DAB1: variants seen among roughly 807,000 people sequenced by gnomAD.
The protein encoded by DAB1 is DAB adaptor protein 1, also known as disabled homolog 1.
In DAB1, 15 loss-of-function variants were observed where a neutral mutation model predicts 64.6. The ratio of observed to expected loss-of-function variants is 0.23; its 90% CI spans 0.16 to 0.36. The LOEUF (loss-of-function observed/expected upper bound fraction) is 0.36, where lower values mean the gene tolerates loss of function less well. DAB1 is among the 10% of genes least tolerant of loss of function. The probability of loss-of-function intolerance (pLI) is 1.00; values close to 1 mark genes in which losing one functional copy is unlikely to be tolerated. For missense variants in DAB1, 596 were observed against 706.7 expected (o/e 0.84, Z 1.78); for synonymous variants, 235 against 251.9 (o/e 0.93, Z 0.64).
At chr1:57,836,639 C>T (rs537777914) in intron 1 of DAB1, among the ~76,000 whole-genome samples, 32 of 152,330 alleles carry the variant, frequency 2.1e-4, no homozygotes, top group African/African-American at 7.2e-4. Flanking sequence ...GCATCTCATT[C>T]GGCATCCGCC....
At chr1:57,358,499 G>T (rs1679297537) in intron 1 of DAB1, among the ~76,000 whole-genome samples, 1 of 151,878 alleles carries the variant, frequency 6.6e-6, no homozygotes, top group Non-Finnish European at 1.5e-5. Context: ...ACAAATAAAT[G>T]AAAAGACATC....
chr1:58,053,668 G>A (rs1338116953), intron 5 of DAB1, among the ~76,000 whole-genome samples: 1 of 152,172 alleles, frequency 6.6e-6, no homozygotes, highest in Non-Finnish European at 1.5e-5. Flanking sequence ...CAAAATTCCA[G>A]CTGTCTTGGA....
intron 6 of DAB1, among the ~76,000 whole-genome samples, chr1:57,781,118 CTCTCTCTCTA>C (rs1650062389): frequency 5.5e-5 from 3 of 54,560 alleles, no homozygotes; most frequent in African/African-American, 8.8e-5. Context: ...CTCTCTCTCT[CTCTCTCTCTA>C]TATATATATA....
chr1:57,342,967 T>C (rs534973306), intron 1 of DAB1, among the ~76,000 whole-genome samples: 4 of 152,268 alleles, frequency 2.6e-5, no homozygotes, highest in Admixed American at 1.3e-4. Context: ...AGAACAAAGC[T>C]TCCACAGCTC....
At chr1:57,040,760 A>T (rs1290520449) in intron 9 of DAB1, among the ~76,000 whole-genome samples, 2 of 152,246 alleles carry the variant, frequency 1.3e-5, no homozygotes, top group Non-Finnish European at 2.9e-5. Flanking sequence ...CTAGTTCCAC[A>T]TTAGCAAAAA....
intron 5 of DAB1, among the ~76,000 whole-genome samples, chr1:58,057,320 T>C (rs766579408): frequency 6.6e-6 from 1 of 152,138 alleles, no homozygotes; most frequent in East Asian, 1.9e-4. Flanking sequence ...CCCCTTAAAA[T>C]TCATGTCTAC....
At chr1:58,361,476 G>A (rs955709695) in intron 3 of DAB1, among the ~76,000 whole-genome samples, 2 of 152,140 alleles carry the variant, frequency 1.3e-5, no homozygotes, top group Non-Finnish European at 2.9e-5. Flanking sequence ...TGTCTTTCCT[G>A]TTCATCTTAG....
intron 6 of DAB1, among the ~76,000 whole-genome samples, chr1:57,781,775 T>A (rs190264148): frequency 5.5e-4 from 83 of 151,342 alleles, no homozygotes; most frequent in African/African-American, 1.9e-3. Flanking sequence ...ATTGGGCAAA[T>A]TATTTACATT....
In DAB1 at chr1:58,374,108, AT is replaced by A. The variant is rs1644299335; in HGVS notation, n.258-30706del. Reference sequence around the variant, plus strand: ...TTTGTCAGATGAGTAGGTTGCAAAAATTTTCTCCCGTGTTGTAGGTTGCCTG... The same window carrying A: ...TTTGTCAGATGAGTAGGTTGCAAAAATTTCTCCCGTGTTGTAGGTTGCCTG... On this transcript the variant is annotated intron_variant and non_coding_transcript_variant, in intron 3 of 20. Coordinates refer to the DAB1 transcript ENST00000485760. Among the ~76,000 whole-genome samples, 3 of 67,942 alleles carry A rather than the reference AT, an allele frequency of 4.4e-5. No homozygotes were observed. The South Asian group carries it at 1.6e-3, about 37-fold the overall frequency. 44.6% of individuals were successfully genotyped at this position (67,942 alleles called of 152,430 possible). A position where few individuals can be genotyped will look rare whatever the true frequency, so the allele number is the denominator to read the frequency against.
intron 2 of DAB1, among the ~76,000 whole-genome samples, chr1:57,197,594 C>T (rs564689664): frequency 2.0e-5 from 3 of 152,140 alleles, no homozygotes; most frequent in Admixed American, 6.5e-5. Flanking sequence ...CCCAAGGTCT[C>T]GCAGCTAAAT....
chr1:58,096,951 A>G (rs2100623252), intron 5 of DAB1, among the ~76,000 whole-genome samples: 1 of 152,338 alleles, frequency 6.6e-6, no homozygotes, highest in Middle Eastern at 3.4e-3. Flanking sequence ...AAGTATTGCC[A>G]TGGAGTCTCC....
chr1:56,996,644 T>C lies in DAB1; in HGVS notation c.*1500A>G, dbSNP rs1301338897. ...CTTGTGTTGCACGTAGGGTGGGGAC[T>C]CTCGTGGAAAGGCTAGATGATGGAG... is the stretch of plus-strand genomic sequence containing the variant. On this transcript the variant is annotated 3_prime_UTR_variant, in exon 15 of 15. Coordinates refer to ENST00000371236, the MANE Select transcript of DAB1 (RefSeq NM_001365792.1). The C allele has an allele frequency of 1.3e-5, 2 of 152,378 alleles. No individual in the cohort carries two copies. Among genetic ancestry groups the C allele is most frequent in the Non-Finnish European group, 2.9e-5 (2 of 68,028 alleles). 9.4% of individuals were successfully genotyped at this position (152,378 alleles called of 1,614,324 possible). A position where few individuals can be genotyped will look rare whatever the true frequency, so the allele number is the denominator to read the frequency against.
At chr1:57,698,538 C>T (rs930957364) in intron 6 of DAB1, among the ~76,000 whole-genome samples, 2 of 152,170 alleles carry the variant, frequency 1.3e-5, no homozygotes, top group Admixed American at 1.3e-4. Flanking sequence ...ATGTTTCCAA[C>T]AAGAGTATGT....
At chr1:57,475,016 T>C (rs1341794462) in intron 7 of DAB1, among the ~76,000 whole-genome samples, 1 of 152,094 alleles carries the variant, frequency 6.6e-6, no homozygotes, top group African/African-American at 2.4e-5. Flanking sequence ...TCTTAACACT[T>C]TGGGAAGCCA....
chr1:57,156,769 AC>A (rs1165297904), intron 2 of DAB1, among the ~76,000 whole-genome samples: 1 of 152,108 alleles, frequency 6.6e-6, no homozygotes, highest in Non-Finnish European at 1.5e-5. Flanking sequence ...CCTCATCACA[AC>A]CTGATCATCT....
chr1:58,454,538 C>T (rs980799158), intron 3 of DAB1, among the ~76,000 whole-genome samples: 4 of 152,164 alleles, frequency 2.6e-5, no homozygotes, highest in African/African-American at 4.8e-5. Context: ...AGGCTAGGGG[C>T]GGGTGCAGGG....
chr1:57,639,370 T>C (rs1465683240), intron 7 of DAB1, among the ~76,000 whole-genome samples: 1 of 147,908 alleles, frequency 6.8e-6, no homozygotes, highest in Non-Finnish European at 1.5e-5. Context: ...TATAAAGAAC[T>C]TTAGTAAATA....
At position 56,998,108 on chromosome 1, in the gene DAB1, C is replaced by T. The variant is rs933479904; in HGVS notation, c.*36G>A. The T allele has an allele frequency of 2.6e-5, 4 of 152,698 alleles. No individual in the cohort carries two copies. Among genetic ancestry groups the T allele is most frequent in the South Asian group, 2.1e-4 (1 of 4,826 alleles). 9.5% of individuals were successfully genotyped at this position (152,698 alleles called of 1,614,324 possible). A position where few individuals can be genotyped will look rare whatever the true frequency, so the allele number is the denominator to read the frequency against. ...GCTATTTCTTAGGTCTGTTGATCTG[C>T]GCGTACAGAGGCTCTGGCTCCTGTG... On this transcript the variant is annotated 3_prime_UTR_variant, in exon 15 of 15. Transcript: ENST00000371236.
At chr1:57,935,565 C>G (rs1645013181) in intron 5 of DAB1, among the ~76,000 whole-genome samples, 1 of 152,138 alleles carries the variant, frequency 6.6e-6, no homozygotes, top group African/African-American at 2.4e-5. Context: ...CAATGCCAAC[C>G]TAATTCTGGA....
Sources: gnomAD v4.1 joint callset for allele counts (sites outside exome capture counted in the v4.1 genomes callset) on GRCh38, gnomAD v4.1.1 for gene constraint, MANE v1.5 for transcripts, NCBI Gene and HGNC (gene_info 2026-07-23, HGNC 2026-07-21) for gene names.